SKA2: variants seen among roughly 807,000 people sequenced by gnomAD.
SKA2 encodes spindle and kinetochore-associated protein 2.
SKA2 carries 13 observed loss-of-function variants against 16.9 expected under a neutral mutation model. That is an observed-to-expected ratio of 0.77 (90% CI 0.50 to 1.22). The LOEUF (loss-of-function observed/expected upper bound fraction) is 1.22, where lower values mean the gene tolerates loss of function less well. Among genes scored for constraint, SKA2 ranks in the 50% most tolerant of loss-of-function variants. SKA2 has a pLI of 0.00. For synonymous variants in SKA2, 47 were observed against 48.5 expected (o/e 0.97, Z 0.13); for missense variants, 107 against 139.7 (o/e 0.77, Z 1.18).
rs1302815000 is a variant in SKA2 at position 59,110,087 on chromosome 17, T to TG, written c.*2189dup. ...GTAAGTATTCTGGACATGTTTAACT[T>TG]GAATATTCAGGTAGGGGATTTTATT... On this transcript the variant is annotated 3_prime_UTR_variant, in exon 4 of 4. Transcript: ENST00000330137. 6.6e-6 allele frequency: 1 copy of TG among 152,168 alleles called. No homozygotes were observed. The highest frequency in any genetic ancestry group is 2.4e-5 in the African/African-American group (1 of 41,438). The allele number at this position is 152,168 out of a possible 1,614,324, so 9.4% of individuals were successfully genotyped here.
chr17:59,136,129 T>C (rs1001519983), intron 1 of SKA2, among the ~76,000 whole-genome samples: 1 of 152,010 alleles, frequency 6.6e-6, no homozygotes, highest in Non-Finnish European at 1.5e-5. Context: ...GAAAATTGTA[T>C]AGAACGTCTA....
In SKA2 at chr17:59,110,137, G is replaced by A. The variant is rs985194580; in HGVS notation, c.*2140C>T. The A allele has an allele frequency of 8.5e-5, 13 of 152,180 alleles. No homozygotes were observed. Among genetic ancestry groups the A allele is most frequent in the African/African-American group, 2.9e-4 (12 of 41,432 alleles). 9.4% of individuals were successfully genotyped at this position (152,180 alleles called of 1,614,324 possible). A position where few individuals can be genotyped will look rare whatever the true frequency, so the allele number is the denominator to read the frequency against. On this transcript the variant is annotated 3_prime_UTR_variant, in exon 4 of 4. Transcript: ENST00000330137. ...TGGAAATACGGATCTAGAGCTAGTG[G>A]AAGAAGTTATATTTAGGAGTCATCC...
intron 1 of SKA2, among the ~76,000 whole-genome samples, chr17:59,146,144 G>A (rs765622999): frequency 2.8e-4 from 43 of 152,224 alleles, no homozygotes; most frequent in African/African-American, 8.9e-4. Context: ...TTATTTTGCA[G>A]TCACTAAATC....
Position 59,126,853 on chromosome 17 carries a change from GA to G in SKA2, c.120+4427del, listed in dbSNP as rs1179556016. On this transcript the variant is annotated intron_variant, in intron 2 of 3. Coordinates refer to ENST00000330137, the MANE Select transcript of SKA2 (RefSeq NM_182620.4). ...GCATTATTCACAGTAGCCAAAAGGT[GA>G]AAGCAAACCAAATGTCCATTAACAG... Among the ~76,000 whole-genome samples, 4 of 152,126 alleles carry G rather than the reference GA, an allele frequency of 2.6e-5. No individual in the cohort carries two copies. The East Asian group carries it at 7.7e-4, about 29-fold the overall frequency.
At chr17:59,120,231 G>A (rs1393859674) in intron 2 of SKA2, among the ~76,000 whole-genome samples, 1 of 151,528 alleles carries the variant, frequency 6.6e-6, no homozygotes, top group Non-Finnish European at 1.5e-5. Context: ...ATACTATCAT[G>A]GGGATAAAGT....
intron 1 of SKA2, among the ~76,000 whole-genome samples, chr17:59,146,402 CGCAG>C (rs1156318661): frequency 4.6e-5 from 7 of 151,846 alleles, no homozygotes; most frequent in African/African-American, 1.7e-4. Flanking sequence ...GGGAGGGTGA[CGCAG>C]GCAAATAGCT....
intron 1 of SKA2, among the ~76,000 whole-genome samples, chr17:59,135,263 A>G (rs1006696581): frequency 2.0e-5 from 3 of 151,838 alleles, no homozygotes; most frequent in Non-Finnish European, 4.4e-5. Context: ...GGAAGATACC[A>G]AAGAGTACCC....
At position 59,140,472 on chromosome 17, in the gene SKA2, G is replaced by A. The variant is rs191057641; in HGVS notation, c.34-9105C>T. ...TCGAACTCCTGACCTCAGGTGATCC[G>A]CCTGCCTCAGCCTCCCAAAGTGCTG... On this transcript the variant is annotated intron_variant, in intron 1 of 3. Transcript: ENST00000330137. Among the ~76,000 whole-genome samples the A allele has an allele frequency of 2.5e-3, 383 of 151,782 alleles. 3 individuals are homozygous for A. Among genetic ancestry groups the A allele is most frequent in the Non-Finnish European group, 2.1e-3 (141 of 67,894 alleles).
chr17:59,136,839 G>A (rs907232783), intron 1 of SKA2, among the ~76,000 whole-genome samples: 1 of 152,010 alleles, frequency 6.6e-6, no homozygotes, highest in Admixed American at 6.6e-5. Flanking sequence ...GAGCTACCAC[G>A]CCCAGCCGAA....
chr17:59,126,175 T>C (rs1009318139), intron 2 of SKA2, among the ~76,000 whole-genome samples: 3 of 147,614 alleles, frequency 2.0e-5, no homozygotes, highest in Non-Finnish European at 4.5e-5. Flanking sequence ...CGTCTCAAAA[T>C]AAATAAATGA....
chr17:59,132,233 G>C (rs1005297233), intron 1 of SKA2, among the ~76,000 whole-genome samples: 1 of 152,208 alleles, frequency 6.6e-6, no homozygotes, highest in Middle Eastern at 3.4e-3. Flanking sequence ...GCAGAAGCCT[G>C]TAATCCCACT....
At chr17:59,129,875 GAGA>G (rs753589983) in intron 2 of SKA2, among the ~76,000 whole-genome samples, 22 of 132,788 alleles carry the variant, frequency 1.7e-4, no homozygotes, top group Non-Finnish European at 2.9e-4. Context: ...GAAAGGGAGG[GAGA>G]AGAAGGATGG....
intron 2 of SKA2, among the ~76,000 whole-genome samples, chr17:59,128,647 A>G (rs1379460924): frequency 6.6e-6 from 1 of 151,708 alleles, no homozygotes; most frequent in Non-Finnish European, 1.5e-5. Flanking sequence ...AAAAAGAAAC[A>G]TCCTAAGTGA....
At chr17:59,130,457 CAAA>C (rs569934567) in intron 2 of SKA2, among the ~76,000 whole-genome samples, 1 of 70,392 alleles carries the variant, frequency 1.4e-5, no homozygotes, top group African/African-American at 4.6e-5. Context: ...ACTAAAAATA[CAAA>C]AAAAAAAAAA....
chr17:59,120,229 A>T (rs1437092614), intron 2 of SKA2, among the ~76,000 whole-genome samples: 2 of 151,790 alleles, frequency 1.3e-5, no homozygotes, highest in Non-Finnish European at 2.9e-5. Context: ...ACATACTATC[A>T]TGGGGATAAA....
intron 1 of SKA2, among the ~76,000 whole-genome samples, chr17:59,147,011 G>A (rs2046537763): frequency 6.6e-6 from 1 of 151,362 alleles, no homozygotes; most frequent in African/African-American, 2.4e-5. Flanking sequence ...TTTTTGGGGG[G>A]GACGGGCGTG....
At chr17:59,127,116 G>C (rs2046377251) in intron 2 of SKA2, among the ~76,000 whole-genome samples, 1 of 152,058 alleles carries the variant, frequency 6.6e-6, no homozygotes, top group African/African-American at 2.4e-5. Flanking sequence ...AAAGGAACGT[G>C]GAGTTATTGT....
intron 1 of SKA2, among the ~76,000 whole-genome samples, chr17:59,144,801 T>C (rs1455689415): frequency 6.6e-6 from 1 of 152,058 alleles, no homozygotes; most frequent in Non-Finnish European, 1.5e-5. Context: ...ATAATGGGTA[T>C]AGAGTTTCTT....
chr17:59,115,779 T>A (rs1433120836), intron 3 of SKA2, among the ~76,000 whole-genome samples: 1 of 152,100 alleles, frequency 6.6e-6, no homozygotes, highest in Non-Finnish European at 1.5e-5. Context: ...TGAATCCACA[T>A]TGCCCCTTGT....
Sources: allele counts gnomAD v4.1 joint callset (sites outside exome capture counted in the v4.1 genomes callset), GRCh38; gene constraint gnomAD v4.1.1; transcripts MANE v1.5; gene names NCBI Gene and HGNC (gene_info 2026-07-23, HGNC 2026-07-21).